Variants in NDRG3 observed in about 807,000 individuals in gnomAD.
NDRG3 encodes protein NDRG3.
Under a neutral mutation model 57.2 loss-of-function variants are expected in NDRG3, and 23 were observed. The ratio of observed to expected loss-of-function variants is 0.40; its 90% confidence interval spans 0.29 to 0.57. NDRG3 has a LOEUF of 0.57. NDRG3 is among the 20% of genes least tolerant of loss of function. The pLI is 0.42. For synonymous variants in NDRG3, 132 were observed against 162.6 expected (o/e 0.81, Z 1.43); for missense variants, 384 against 457.3 (o/e 0.84, Z 1.46).
intron 9 of NDRG3, 85 bp from the exon 10 acceptor site, chr20:36,666,477 A>G (rs995295863): frequency 9.1e-6 from 9 of 986,184 alleles, no homozygotes; most frequent in Non-Finnish European, 1.5e-5. Context: ...CATTACCACA[A>G]GCCAAATCGT....
At chr20:36,681,730 G>A (rs949176999) in intron 7 of NDRG3, among the ~76,000 whole-genome samples, 4 of 150,590 alleles carry the variant, frequency 2.7e-5, no homozygotes, top group East Asian at 1.9e-4. Context: ...ACAGAGTTTC[G>A]CTCTTGTTGC....
At chr20:36,669,690 G>A (rs1979974654) in intron 9 of NDRG3, among the ~76,000 whole-genome samples, 1 of 151,686 alleles carries the variant, frequency 6.6e-6, no homozygotes, top group South Asian at 2.1e-4. Context: ...ATAAAGACAG[G>A]GTCCCACTAT....
chr20:36,701,863 T>TAA lies in NDRG3; in HGVS notation c.93+5107_93+5108dup, dbSNP rs200584072. 7.4e-3 allele frequency among the ~76,000 whole-genome samples: 864 copies of TAA among 116,106 alleles called. 7 individuals carry two copies. The highest frequency in any genetic ancestry group is 0.025 in the African/African-American group (796 of 31,408). The allele number at this position is 116,106 out of a possible 152,430, so 76.2% of individuals were successfully genotyped here. On this transcript the variant is annotated intron_variant, in intron 3 of 15. Coordinates refer to ENST00000349004, the MANE Select transcript of NDRG3 (RefSeq NM_032013.4). The stretch of plus-strand genomic sequence containing the variant: ...GTGCCCAGCTGAGACCCTGCATCTT[T>TAA]AAAAAAAAAAAAAAAAAAGCCTTTT...
rs767816954 is a variant in NDRG3, at chr20:36,656,388, G to C, written c.918C>G (p.Phe306Leu). The C allele has an allele frequency of 6.2e-7, 1 of 1,614,120 alleles. No homozygotes were observed. Among genetic ancestry groups the C allele is most frequent in the Non-Finnish European group, 8.5e-7 (1 of 1,180,018 alleles). The change falls in exon 15 of 16, where the codon TTC (phenylalanine) becomes TTG (leucine). Residue 306 changes from phenylalanine (F) to leucine (L), a missense_variant. Coordinates refer to ENST00000349004, the MANE Select transcript of NDRG3 (RefSeq NM_032013.4). ...AGCCCATTCCCTGCAAAAAGTACTT[G>C]AAGGCCTCGGTGAGCTTCCCAGGCT... is the stretch of plus-strand genomic sequence containing the variant. ...VVQPGKLTEA[F>L]KYFLQGMGYI...
At chr20:36,684,290 A>T in intron 6 of NDRG3, 123 bp downstream of exon 6, 1 of 739,234 alleles carries the variant, frequency 1.4e-6, no homozygotes, top group Non-Finnish European at 2.3e-6. Context: ...TTGTTACCCC[A>T]CTAAGCTCTA....
intron 10 of NDRG3, 121 bp from the exon 11 acceptor site, chr20:36,665,422 G>A: frequency 1.2e-6 from 1 of 865,672 alleles, no homozygotes; most frequent in Admixed American, 2.1e-5. Context: ...CTTCACACCT[G>A]AGAAGGGAAG....
chr20:36,723,659 A>AATATGTGTGTGTGTGTGTGTGTGT (rs74173994), intron 1 of NDRG3, among the ~76,000 whole-genome samples: 1 of 132,934 alleles, frequency 7.5e-6, no homozygotes, highest in Admixed American at 7.7e-5. Flanking sequence ...ATATTAGTCT[A>AATATGTGTGTGTGTGTGTGTGTGT]GTGTGTGTGT....
At chr20:36,744,376 G>C (rs971476023) in intron 1 of NDRG3, among the ~76,000 whole-genome samples, 1 of 151,740 alleles carries the variant, frequency 6.6e-6, no homozygotes, top group African/African-American at 2.4e-5. Context: ...AGAACACCAC[G>C]CTTTGAGTAA....
At chr20:36,699,055 C>T (rs1369991965) in intron 3 of NDRG3, among the ~76,000 whole-genome samples, 1 of 152,144 alleles carries the variant, frequency 6.6e-6, no homozygotes, top group Non-Finnish European at 1.5e-5. Context: ...AATCCTCTCA[C>T]CTCAGCCTCC....
In NDRG3 at chr20:36,652,179, G is replaced by A. The variant is rs1485194737; in HGVS notation, c.*1341C>T. ...TGTAATCCCAGCACTTTGGGAGGCT[G>A]AGGCAGGTGGATCACCTGAGGTCAG... On this transcript the variant is annotated 3_prime_UTR_variant, in exon 16 of 16. Coordinates refer to ENST00000349004, the MANE Select transcript of NDRG3 (RefSeq NM_032013.4). 6.6e-6 allele frequency: 1 copy of A among 152,252 alleles called. No individual in the cohort carries two copies. The highest frequency in any genetic ancestry group is 2.4e-5 in the African/African-American group (1 of 41,462). 9.4% of individuals were successfully genotyped at this position (152,252 alleles called of 1,614,324 possible). A position where few individuals can be genotyped will look rare whatever the true frequency, so the allele number is the denominator to read the frequency against.
intron 3 of NDRG3, among the ~76,000 whole-genome samples, chr20:36,692,346 C>T (rs1982333656): frequency 6.6e-6 from 1 of 152,170 alleles, no homozygotes; most frequent in African/African-American, 2.4e-5. Context: ...GCCTCAGTCT[C>T]CCAAGTAGCT....
chr20:36,692,561 G>A (rs1211356198), intron 3 of NDRG3, among the ~76,000 whole-genome samples: 1 of 152,052 alleles, frequency 6.6e-6, no homozygotes, highest in Admixed American at 6.6e-5. Context: ...ATATAAACTG[G>A]AACAACTACC....
intron 1 of NDRG3, among the ~76,000 whole-genome samples, chr20:36,727,845 T>C (rs1196573095): frequency 6.6e-6 from 1 of 151,874 alleles, no homozygotes; most frequent in Non-Finnish European, 1.5e-5. Context: ...CCGGCCTATT[T>C]CTTTATAGAT....
intron 3 of NDRG3, among the ~76,000 whole-genome samples, chr20:36,698,671 A>G (rs1397118377): frequency 6.6e-6 from 1 of 152,122 alleles, no homozygotes; most frequent in Non-Finnish European, 1.5e-5. Context: ...TGTAAACATC[A>G]CAACCTTCTC....
chr20:36,695,339 A>G (rs1982685576), intron 3 of NDRG3, among the ~76,000 whole-genome samples: 2 of 152,290 alleles, frequency 1.3e-5, no homozygotes, highest in Middle Eastern at 3.4e-3. Flanking sequence ...AAAGAACTGG[A>G]TAACAGTGAT....
chr20:36,722,112 C>G (rs1259719903), intron 1 of NDRG3, among the ~76,000 whole-genome samples: 1 of 152,172 alleles, frequency 6.6e-6, no homozygotes, highest in African/African-American at 2.4e-5. Context: ...ATCTGTCTTG[C>G]TGAGGGACAC....
intron 2 of NDRG3, among the ~76,000 whole-genome samples, chr20:36,718,178 C>T (rs1984384645): frequency 6.6e-6 from 1 of 152,192 alleles, no homozygotes; most frequent in Non-Finnish European, 1.5e-5. Context: ...CAAAACCATC[C>T]ACTTGCTGCG....
chr20:36,685,292 T>TTTA (rs534950226), intron 5 of NDRG3, among the ~76,000 whole-genome samples: 4,283 of 150,568 alleles, frequency 0.028, 87 homozygotes, highest in African/African-American at 0.058. Context: ...TTTTTAAAAT[T>TTTA]TTATTATTAT....
chr20:36,666,877 C>G (rs1487275875), intron 9 of NDRG3, among the ~76,000 whole-genome samples: 1 of 152,086 alleles, frequency 6.6e-6, no homozygotes, highest in Non-Finnish European at 1.5e-5. Context: ...TGTTCAGTCA[C>G]CCAGGCTGAG....
Sources: allele counts gnomAD v4.1 joint callset (sites outside exome capture counted in the v4.1 genomes callset), GRCh38; gene constraint gnomAD v4.1.1; transcripts MANE v1.5; gene names NCBI Gene and HGNC (gene_info 2026-07-23, HGNC 2026-07-21).